CDKL5: variants seen among roughly 807,000 people sequenced by gnomAD.
CDKL5 encodes cyclin dependent kinase like 5, also known as cyclin-dependent kinase-like 5.
A neutral mutation model predicts 61.7 loss-of-function variants in CDKL5; 8 were observed. The ratio of observed to expected loss-of-function variants is 0.13; its 90% CI spans 0.08 to 0.23. CDKL5 has a LOEUF of 0.23. CDKL5 is among the 10% of genes least tolerant of loss of function. The probability of loss-of-function intolerance (pLI) is 1.00; values close to 1 mark genes in which losing one functional copy is unlikely to be tolerated. For missense variants in CDKL5, 440 were observed against 734.5 expected (o/e 0.60, Z 4.63); for synonymous variants, 275 against 272.3 (o/e 1.01, Z -0.10).
intron 20 of CDKL5, chrX:18,650,108 A>T: frequency 2.8e-6 from 1 of 363,384 alleles, no homozygotes; most frequent in South Asian, 3.5e-5. Context: ...TTTCCCCTTC[A>T]CATCTCTTTT....
At chrX:18,450,122 G>A (rs144743907) in intron 1 of CDKL5, among the ~76,000 whole-genome samples, 3,268 of 111,910 alleles carry the variant, frequency 0.029, 46 homozygotes, top group Middle Eastern at 0.092. Flanking sequence ...GAAATAAGCA[G>A]ATGCTGCCAA....
intron 16 of CDKL5, chrX:18,623,910 T>C (rs1334837768): frequency 4.1e-6 from 3 of 740,166 alleles, no homozygotes; most frequent in Non-Finnish European, 4.8e-6. Context: ...AATCCAAGCA[T>C]CAAGAAATCC....
At chrX:18,499,423 C>T (rs1922301760) in intron 1 of CDKL5, among the ~76,000 whole-genome samples, 1 of 102,250 alleles carries the variant, frequency 9.8e-6, no homozygotes, top group Non-Finnish European at 2.0e-5. Flanking sequence ...TGCAGTGGCT[C>T]GATCTCGGCT....
intron 1 of CDKL5, among the ~76,000 whole-genome samples, chrX:18,472,393 C>T (rs762902835): frequency 8.9e-6 from 1 of 111,781 alleles, no homozygotes; most frequent in South Asian, 3.7e-4. Flanking sequence ...AAATGAATTC[C>T]AGGCCAGATA....
At chrX:18,431,886 TAAC>T (rs1931499988) in intron 1 of CDKL5, among the ~76,000 whole-genome samples, 1 of 99,905 alleles carries the variant, frequency 1.0e-5, no homozygotes, top group Admixed American at 1.1e-4. Flanking sequence ...GAGTTTTTTT[TAAC>T]CTTATTTACT....
chrX:18,473,418 G>A (rs552791552), intron 1 of CDKL5, among the ~76,000 whole-genome samples: 1 of 109,779 alleles, frequency 9.1e-6, no homozygotes, highest in East Asian at 2.9e-4. Flanking sequence ...TTTTCCAGTA[G>A]GTGCTCGTCA....
intron 3 of CDKL5, among the ~76,000 whole-genome samples, chrX:18,561,378 A>G (rs753979775): frequency 9.0e-6 from 1 of 110,799 alleles, no homozygotes; most frequent in South Asian, 3.8e-4. Flanking sequence ...TCACTCAAAT[A>G]TGTATAAACC....
chrX:18,612,027 A>G (rs1219298159), intron 14 of CDKL5, among the ~76,000 whole-genome samples: 1 of 112,096 alleles, frequency 8.9e-6, no homozygotes, highest in Non-Finnish European at 1.9e-5. Flanking sequence ...TTTTATTATA[A>G]CCATTCTTAG....
chrX:18,621,776 A>G (rs1045931562), intron 16 of CDKL5, among the ~76,000 whole-genome samples: 1 of 111,937 alleles, frequency 8.9e-6, no homozygotes, highest in Non-Finnish European at 1.9e-5. Context: ...TCAAATCAAA[A>G]TGCCACTCAG....
intron 1 of CDKL5, among the ~76,000 whole-genome samples, chrX:18,457,118 C>T (rs1450882351): frequency 9.1e-6 from 1 of 109,880 alleles, no homozygotes; most frequent in Admixed American, 1.0e-4. Context: ...TATTCTCTTA[C>T]ATTTAGCTTC....
At chrX:18,500,360 C>A (rs926486446) in intron 1 of CDKL5, among the ~76,000 whole-genome samples, 12 of 111,754 alleles carry the variant, frequency 1.1e-4, no homozygotes, top group African/African-American at 3.9e-4. Flanking sequence ...AACAAACTTT[C>A]TCATTTTGAG....
intron 1 of CDKL5, among the ~76,000 whole-genome samples, chrX:18,473,051 A>G (rs1921159511): frequency 9.6e-6 from 1 of 104,634 alleles, no homozygotes; most frequent in Non-Finnish European, 1.9e-5. Context: ...TGTCTCCTGG[A>G]TGCAAGCCAC....
intron 9 of CDKL5, among the ~76,000 whole-genome samples, chrX:18,591,242 A>G (rs973924627): frequency 2.6e-4 from 29 of 111,984 alleles, no homozygotes; most frequent in East Asian, 2.8e-4. Flanking sequence ...ATTGTTAACT[A>G]TCTAGTCCTC....
intron 3 of CDKL5, among the ~76,000 whole-genome samples, chrX:18,539,137 C>G (rs1258385985): frequency 9.0e-5 from 10 of 111,624 alleles, no homozygotes; most frequent in Non-Finnish European, 1.7e-4. Context: ...ACCAGTCTTG[C>G]TAGAAGTTTA....
intron 11 of CDKL5, among the ~76,000 whole-genome samples, chrX:18,601,027 C>T (rs746415172): frequency 1.8e-5 from 2 of 111,797 alleles, no homozygotes; most frequent in Non-Finnish European, 3.8e-5. Flanking sequence ...TCAACACAAA[C>T]GATGGCTCCC....
chrX:18,651,340 C>G (rs1260673117), intron 21 of CDKL5, among the ~76,000 whole-genome samples: 1 of 108,353 alleles, frequency 9.2e-6, no homozygotes, highest in Non-Finnish European at 1.9e-5. Context: ...AACTTGTCGA[C>G]AGCATCCCTT....
downstream of CDKL5, chrX:18,641,610 CTG>C (rs992358449): frequency 4.7e-5 from 8 of 168,854 alleles, no homozygotes; most frequent in South Asian, 1.1e-4. Flanking sequence ...CTTTAGGAAA[CTG>C]TATGTTTCTG....
chrX:18,559,507 G>T (rs919615260), intron 3 of CDKL5, among the ~76,000 whole-genome samples: 1 of 111,082 alleles, frequency 9.0e-6, no homozygotes, highest in African/African-American at 3.3e-5. Flanking sequence ...GCACCTGGCC[G>T]TAAGGATGAG....
chrX:18,519,769 A>G (rs768551970), intron 3 of CDKL5, among the ~76,000 whole-genome samples: 2 of 112,543 alleles, frequency 1.8e-5, no homozygotes, highest in African/African-American at 6.5e-5. Context: ...AGAGAAGGAC[A>G]TTCTCATAAA....
Sources: allele counts gnomAD v4.1 joint callset (sites outside exome capture counted in the v4.1 genomes callset), GRCh38; gene constraint gnomAD v4.1.1; transcripts MANE v1.5; gene names NCBI Gene and HGNC (gene_info 2026-07-23, HGNC 2026-07-21).